Variants in SRBD1 observed in about 807,000 individuals in gnomAD.
SRBD1 encodes the protein S1 RNA-binding domain-containing protein 1.
Under a neutral mutation model 115.3 loss-of-function variants are expected in SRBD1, and 88 were observed. That is an observed-to-expected ratio of 0.76 (90% CI 0.64 to 0.91). SRBD1 has a LOEUF of 0.91. SRBD1 is among the 40% of genes least tolerant of loss of function. SRBD1 has a pLI of 0.00. For synonymous variants in SRBD1, 509 were observed against 407.7 expected (o/e 1.25, Z -2.99); for missense variants, 1,385 against 1,177.4 (o/e 1.18, Z -2.58).
At chr2:45,507,055 C>T (rs1670821051) in intron 14 of SRBD1, among the ~76,000 whole-genome samples, 1 of 151,950 alleles carries the variant, frequency 6.6e-6, no homozygotes, top group Non-Finnish European at 1.5e-5. Flanking sequence ...TCATGTTTGG[C>T]GTATAGTAAA....
chr2:45,413,000 G>T, intron 19 of SRBD1, 114 bp downstream of exon 19: 1 of 1,206,424 alleles, frequency 8.3e-7, no homozygotes, highest in South Asian at 1.6e-5. Flanking sequence ...TCTGAAAAAT[G>T]TTGTCACATT....
intron 14 of SRBD1, chr2:45,546,462 T>TA (rs1286665501): frequency 1.6e-6 from 1 of 610,218 alleles, no homozygotes; most frequent in African/African-American, 2.0e-5. Context: ...TCACACAATG[T>TA]ATAGCCTAGA....
intron 19 of SRBD1, among the ~76,000 whole-genome samples, chr2:45,411,187 C>A (rs140612408): frequency 6.6e-6 from 1 of 152,068 alleles, no homozygotes; most frequent in Non-Finnish European, 1.5e-5. Context: ...ACCCAGGTGA[C>A]GTCTGCTGGA....
chr2:45,587,903 T>C (rs988956952), intron 4 of SRBD1, among the ~76,000 whole-genome samples: 1 of 152,222 alleles, frequency 6.6e-6, no homozygotes, highest in African/African-American at 2.4e-5. Flanking sequence ...ATTTCTCCTC[T>C]ACTTTTACCC....
intron 7 of SRBD1, among the ~76,000 whole-genome samples, chr2:45,575,690 A>G (rs1249922678): frequency 6.6e-6 from 1 of 152,202 alleles, no homozygotes; most frequent in Admixed American, 6.5e-5. Context: ...CCTTTAAACA[A>G]CATGGGTACA....
chr2:45,405,777 TGA>T (rs1466646928), intron 19 of SRBD1, among the ~76,000 whole-genome samples: 3 of 71,306 alleles, frequency 4.2e-5, no homozygotes, highest in Admixed American at 1.4e-4. Flanking sequence ...GGTCATTAGT[TGA>T]GAGAATAATT....
intron 14 of SRBD1, among the ~76,000 whole-genome samples, chr2:45,536,628 A>G (rs1264540125): frequency 6.6e-6 from 1 of 152,132 alleles, no homozygotes; most frequent in African/African-American, 2.4e-5. Flanking sequence ...GGAAAATTCT[A>G]TCCATTAATT....
Position 45,556,448 on chromosome 2 carries a change from C to CTTTTT in SRBD1, c.1410-2723_1410-2719dup, listed in dbSNP as rs59284495. 2.4e-3 allele frequency among the ~76,000 whole-genome samples: 188 copies of CTTTTT among 78,834 alleles called. 37 individuals carry two copies. The highest frequency in any genetic ancestry group is 5.8e-3 in the African/African-American group (107 of 18,556). The allele number at this position is 78,834 out of a possible 152,430, so 51.7% of individuals were successfully genotyped here. A position where few individuals can be genotyped will look rare whatever the true frequency, so the allele number is the denominator to read the frequency against. On this transcript the variant is annotated intron_variant, in intron 10 of 20. Coordinates refer to ENST00000263736, the MANE Select transcript of SRBD1 (RefSeq NM_018079.5). ...ATCTGTTCTGCTCTATGCTCTATTA[C>CTTTTT]TTTTTTTTTTTTTTTTTTTTTTTTT...
chr2:45,527,403 G>A (rs1231554545), intron 14 of SRBD1, among the ~76,000 whole-genome samples: 2 of 151,840 alleles, frequency 1.3e-5, no homozygotes, highest in East Asian at 1.9e-4. Context: ...GAGCACAGAT[G>A]AGGGTGAGAT....
chr2:45,414,841 CACAT>C (rs1381963350), intron 18 of SRBD1, among the ~76,000 whole-genome samples: 1 of 146,000 alleles, frequency 6.8e-6, no homozygotes, highest in Non-Finnish European at 1.5e-5. Flanking sequence ...TATGTACACA[CACAT>C]ATAGTGTGTA....
chr2:45,395,341 C>G (rs887914379), intron 19 of SRBD1, among the ~76,000 whole-genome samples: 3 of 152,136 alleles, frequency 2.0e-5, no homozygotes, highest in Non-Finnish European at 2.9e-5. Context: ...ATGAGTCTAT[C>G]TTAAGGTTGC....
intron 19 of SRBD1, among the ~76,000 whole-genome samples, chr2:45,396,981 T>TAC (rs1558550876): frequency 3.3e-5 from 5 of 152,074 alleles, no homozygotes; most frequent in Non-Finnish European, 5.9e-5. Context: ...AAGGGCAAAG[T>TAC]ACATCTAATA....
chr2:45,442,239 A>G (rs1668691320), intron 16 of SRBD1, among the ~76,000 whole-genome samples: 1 of 152,340 alleles, frequency 6.6e-6, no homozygotes, highest in African/African-American at 2.4e-5. Flanking sequence ...TCTCTATCTT[A>G]TAACTGACAT....
intron 18 of SRBD1, among the ~76,000 whole-genome samples, chr2:45,416,650 T>A (rs75735767): frequency 0.024 from 3,664 of 152,316 alleles, 88 homozygotes; most frequent in Middle Eastern, 0.065. Flanking sequence ...AACATATACA[T>A]ACAAGGTGAC....
Position 45,581,732 on chromosome 2 carries a change from G to C in SRBD1, c.894C>G (p.Ala298=). The change falls in exon 6 of 21, where the codon GCC becomes GCG. Residue 298 remains alanine, a synonymous_variant. Coordinates refer to ENST00000263736, the MANE Select transcript of SRBD1 (RefSeq NM_018079.5). ...CTTCAAAAGTTTTACAATTCAGCAT[G>C]GCTTTTAACAAGCACTCAGACATCT... is the stretch of plus-strand genomic sequence containing the variant. The part of the protein sequence containing the change: ...EGKMSECLLK[A]MLNCKTFEEL... The C allele has an allele frequency of 6.2e-7, 1 of 1,613,378 alleles. No individual in the cohort carries two copies. Among genetic ancestry groups the C allele is most frequent in the Non-Finnish European group, 8.5e-7 (1 of 1,179,726 alleles).
intron 7 of SRBD1, 54 bp downstream of exon 7, chr2:45,579,821 A>C (rs1673289375): frequency 6.8e-7 from 1 of 1,468,234 alleles, no homozygotes; most frequent in Admixed American, 2.5e-5. Context: ...TACGTTTTTA[A>C]ATTAAAAAAA....
intron 14 of SRBD1, among the ~76,000 whole-genome samples, chr2:45,537,854 T>C (rs1671812372): frequency 6.6e-6 from 1 of 152,104 alleles, no homozygotes; most frequent in Admixed American, 6.5e-5. Context: ...GAGCTACCTC[T>C]GACAGCACAG....
chr2:45,394,945 G>GA (rs1667101862), intron 19 of SRBD1, among the ~76,000 whole-genome samples: 1 of 152,200 alleles, frequency 6.6e-6, no homozygotes, highest in Non-Finnish European at 1.5e-5. Context: ...GGCTTCCACA[G>GA]CATGGTGGAA....
intron 19 of SRBD1, among the ~76,000 whole-genome samples, chr2:45,393,659 CG>C (rs1667068658): frequency 6.6e-6 from 1 of 152,156 alleles, no homozygotes; most frequent in Non-Finnish European, 1.5e-5. Flanking sequence ...GGATTACAGG[CG>C]TAAGCCACTG....
Sources: allele counts gnomAD v4.1 joint callset (sites outside exome capture counted in the v4.1 genomes callset), GRCh38; gene constraint gnomAD v4.1.1; transcripts MANE v1.5; gene names NCBI Gene and HGNC (gene_info 2026-07-23, HGNC 2026-07-21).